Variants in ADD2 observed in about 807,000 individuals in gnomAD.
ADD2 encodes the protein adducin 2, also known as beta-adducin.
In ADD2, 23 loss-of-function variants were observed where a neutral mutation model predicts 83.0. The ratio of observed to expected loss-of-function variants is 0.28; its 90% CI spans 0.20 to 0.39. The LOEUF (loss-of-function observed/expected upper bound fraction) is 0.39, where lower values mean the gene tolerates loss of function less well. ADD2 is among the 10% of genes least tolerant of loss of function. ADD2 has a pLI of 1.00. For synonymous variants in ADD2, 375 were observed against 375.4 expected (o/e 1.00, Z 0.01); for missense variants, 758 against 944.9 (o/e 0.80, Z 2.59).
intron 4 of ADD2, among the ~76,000 whole-genome samples, chr2:70,703,773 T>C (rs1671736593): frequency 6.6e-6 from 1 of 152,242 alleles, no homozygotes; most frequent in African/African-American, 2.4e-5. Flanking sequence ...TGGAAGGATA[T>C]ATGTTCACCA....
chr2:70,663,756 A>T, intron 15 of ADD2, 21 bp from the exon 16 acceptor site: 1 of 1,602,646 alleles, frequency 6.2e-7, no homozygotes, highest in East Asian at 2.2e-5. Flanking sequence ...ATCAAAAGAT[A>T]TGACCTGTAA....
At chr2:70,674,453 T>G (rs1317081280) in intron 14 of ADD2, among the ~76,000 whole-genome samples, 1 of 152,194 alleles carries the variant, frequency 6.6e-6, no homozygotes, top group African/African-American at 2.4e-5. Context: ...TCTAAGCACA[T>G]TACAAGTATT....
At chr2:70,669,968 A>C (rs1553366826) in intron 15 of ADD2, among the ~76,000 whole-genome samples, 1 of 152,166 alleles carries the variant, frequency 6.6e-6, no homozygotes, top group Non-Finnish European at 1.5e-5. Context: ...ATGTAAGTGC[A>C]CCATCTTGGA....
At chr2:70,673,413 T>C in intron 14 of ADD2, 1 of 1,138,598 alleles carries the variant, frequency 8.8e-7, no homozygotes, top group Non-Finnish European at 1.3e-6. Context: ...CAACTCCCCT[T>C]ATTTTATTTT....
intron 10 of ADD2, 115 bp from the exon 11 acceptor site, chr2:70,679,076 A>T (rs1670328945): frequency 1.6e-6 from 2 of 1,258,584 alleles, no homozygotes. Context: ...ATGTAAACCC[A>T]AATCTCCATT....
intron 8 of ADD2, 142 bp from the exon 9 acceptor site, chr2:70,688,264 A>C: frequency 1.7e-6 from 1 of 604,478 alleles, no homozygotes; most frequent in African/African-American, 1.9e-5. Flanking sequence ...CTCTAATCAA[A>C]TACCCCAAAG....
At chr2:70,756,421 A>C (rs1311993570) in intron 1 of ADD2, among the ~76,000 whole-genome samples, 1 of 151,342 alleles carries the variant, frequency 6.6e-6, no homozygotes, top group Non-Finnish European at 1.5e-5. Flanking sequence ...TGTGAATTTC[A>C]CCCTGGATTG....
chr2:70,663,538 C>T lies in ADD2; in HGVS notation c.2068G>A (p.Gly690Ser), dbSNP rs377424595. 45 of 1,613,920 alleles carry T rather than the reference C, an allele frequency of 2.8e-5. No homozygotes were observed. The highest frequency in any genetic ancestry group is 3.4e-5 in the Non-Finnish European group (40 of 1,180,018). Residue 690 changes from glycine to serine, a missense_variant, in exon 16 of 16, where the codon GGC becomes AGC. Physicochemically the swap from Gly to Ser is moderately conservative, Grantham distance 56 (BLOSUM62 0). This residue lies in a region of ADD2 where 165 missense variants were observed against 176.2 expected (regional missense o/e 0.94). Coordinates refer to ENST00000264436, the MANE Select transcript of ADD2 (RefSeq NM_001617.4). Reference protein sequence around the residue: ...SKDKTESVTSGPMSPEGSPSK... With the variant: ...SKDKTESVTSSPMSPEGSPSK... ...GGTGAGCCCTCTGGGGACATGGGGCCGCTGGTGACCGACTCGGTTTTGTCC... is the reference window on the plus strand; with the variant it reads ...GGTGAGCCCTCTGGGGACATGGGGCTGCTGGTGACCGACTCGGTTTTGTCC...
chr2:70,666,621 C>T (rs1675812195), intron 15 of ADD2, among the ~76,000 whole-genome samples: 1 of 152,198 alleles, frequency 6.6e-6, no homozygotes. Context: ...ACTTTCTGTC[C>T]AAGTGTCATT....
intron 1 of ADD2, among the ~76,000 whole-genome samples, chr2:70,719,969 T>C (rs1158857018): frequency 6.6e-6 from 1 of 152,020 alleles, no homozygotes; most frequent in Non-Finnish European, 1.5e-5. Flanking sequence ...CACCAAGAAA[T>C]CAAGGAAACA....
chr2:70,699,221 A>G (rs1414722636), intron 4 of ADD2, among the ~76,000 whole-genome samples: 1 of 152,214 alleles, frequency 6.6e-6, no homozygotes, highest in East Asian at 1.9e-4. Context: ...TGAATATGGT[A>G]GAAGAAACAT....
At chr2:70,670,284 A>T (rs546136933) in intron 15 of ADD2, among the ~76,000 whole-genome samples, 1 of 152,326 alleles carries the variant, frequency 6.6e-6, no homozygotes, top group Admixed American at 6.5e-5. Flanking sequence ...TCAGTAGCTC[A>T]TTTTATCCTG....
rs547532598 is a variant in ADD2 at position 70,694,888 on chromosome 2, C to T, written c.555+833G>A. Among the ~76,000 whole-genome samples the T allele has an allele frequency of 1.3e-4, 20 of 151,986 alleles. 1 individual carries two copies. Among genetic ancestry groups the T allele is most frequent in the Non-Finnish European group, 1.9e-4 (13 of 67,990 alleles). On this transcript the variant is annotated intron_variant, in intron 6 of 15. Coordinates refer to ENST00000264436, the MANE Select transcript of ADD2 (RefSeq NM_001617.4). ...CTCCAACCAGACCATGAACACCTTACGGACAGAGCCTGTGTCATCCTTTTC... is the reference window on the plus strand; with the variant it reads ...CTCCAACCAGACCATGAACACCTTATGGACAGAGCCTGTGTCATCCTTTTC...
chr2:70,709,909 G>A (rs1672090956), intron 2 of ADD2, among the ~76,000 whole-genome samples: 1 of 152,144 alleles, frequency 6.6e-6, no homozygotes, highest in South Asian at 2.1e-4. Context: ...GGATAAGAAG[G>A]GATGACAAAG....
chr2:70,749,897 A>G (rs543903076), intron 1 of ADD2, among the ~76,000 whole-genome samples: 1 of 152,320 alleles, frequency 6.6e-6, no homozygotes, highest in Middle Eastern at 3.4e-3. Context: ...ATAAGTCCCT[A>G]TTTGGCTAAG....
intron 9 of ADD2, chr2:70,687,495 T>C (rs1670797181): frequency 6.5e-6 from 1 of 154,472 alleles, no homozygotes; most frequent in African/African-American, 2.4e-5. Context: ...GCTCTGGCTG[T>C]TAAGGCTGCC....
chr2:70,692,624 G>A lies in ADD2; in HGVS notation c.556-72C>T, dbSNP rs564700698. 3.4e-6 allele frequency: 5 copies of A among 1,466,676 alleles called. No individual in the cohort carries two copies. In the African/African-American group the frequency reaches 7.1e-5, roughly 21 times the overall value. 90.9% of individuals were successfully genotyped at this position (1,466,676 alleles called of 1,614,324 possible). ...CCCCGCACTCCTCTCCCAGCTGGTG[G>A]GCCCAGCATGTGCCGCCCACCTGTC... On this transcript the variant is annotated intron_variant, in intron 6 of 15. Coordinates refer to ENST00000264436, the MANE Select transcript of ADD2 (RefSeq NM_001617.4).
In ADD2 at chr2:70,706,252, GCTT is replaced by G. The variant is rs782378081; in HGVS notation, c.154_156del (p.Lys52del). The G allele has an allele frequency of 6.2e-7, 1 of 1,614,040 alleles. No homozygotes were observed. Among genetic ancestry groups the G allele is most frequent in the Non-Finnish European group, 8.5e-7 (1 of 1,179,996 alleles). ...GGACTCTGCAGGATCATGGTGACGC[GCTT>G]CTTCTGCTCCATCAGGTTGAAGTCC... On this transcript the variant is annotated inframe_deletion, in exon 3 of 16. Transcript: ENST00000264436. This position sits in a 1 kb window ranked among gnomAD's most constrained non-coding sequence, Gnocchi z 5.0.
Position 70,732,694 on chromosome 2 carries a change from C to T in ADD2, c.-153-19510G>A, listed in dbSNP as rs545335552. 1.4e-4 allele frequency among the ~76,000 whole-genome samples: 21 copies of T among 152,274 alleles called. No homozygotes were observed. In the East Asian group the frequency reaches 4.1e-3, roughly 29 times the overall value. On this transcript the variant is annotated intron_variant, in intron 1 of 15. Coordinates refer to ENST00000264436, the MANE Select transcript of ADD2 (RefSeq NM_001617.4). Reference sequence around the variant, plus strand: ...GGGGGCTGGGAGGTTGTTGCCTCTACATAAAGAACTCGGCCAGCTAAAGTC... The same window carrying T: ...GGGGGCTGGGAGGTTGTTGCCTCTATATAAAGAACTCGGCCAGCTAAAGTC...
Sources: allele counts gnomAD v4.1 joint callset (sites outside exome capture counted in the v4.1 genomes callset), GRCh38; gene constraint gnomAD v4.1.1; regional missense constraint gnomAD v4.1.1; non-coding constraint Gnocchi (gnomAD v3.1); transcripts MANE v1.5; gene names NCBI Gene and HGNC (gene_info 2026-07-23, HGNC 2026-07-21).